The following RIOK3 variants were observed in gnomAD, a reference collection of about 807,000 sequenced individuals.
The protein encoded by RIOK3 is RIO kinase 3, also known as serine/threonine-protein kinase RIO3.
A neutral mutation model predicts 63.5 loss-of-function variants in RIOK3; 40 were observed. That is an observed-to-expected ratio of 0.63 (90% confidence interval 0.49 to 0.82). The LOEUF is 0.82. Ranked by LOEUF, RIOK3 falls within the 40% of genes least tolerant of loss-of-function variation. The probability of loss-of-function intolerance (pLI) is 0.00; values close to 1 mark genes in which losing one functional copy is unlikely to be tolerated. For synonymous variants in RIOK3, 193 were observed against 205.0 expected, an observed-to-expected ratio of 0.94 and a Z score of 0.50; for missense variants, 557 against 637.0, an observed-to-expected ratio of 0.87 and a Z score of 1.35.
chr18:23,481,414 C>A lies in RIOK3; in HGVS notation c.*135C>A. ...GCTTCTGTGCTTTTCCCCCTTGTAACCCATGTGCCAGATGTGTGGAATTTT... is the reference window on the plus strand; with the variant it reads ...GCTTCTGTGCTTTTCCCCCTTGTAAACCATGTGCCAGATGTGTGGAATTTT... On this transcript the variant is annotated 3_prime_UTR_variant, in exon 13 of 13. Transcript: ENST00000339486. 1.7e-6 allele frequency: 1 copy of A among 573,872 alleles called. No individual in the cohort carries two copies. 35.5% of individuals were successfully genotyped at this position (573,872 alleles called of 1,614,324 possible).
chr18:23,471,382 C>T (rs1490952224), intron 7 of RIOK3, among the ~76,000 whole-genome samples: 1 of 152,152 alleles, frequency 6.6e-6, no homozygotes, highest in African/African-American at 2.4e-5. Flanking sequence ...GTAAGAAACC[C>T]AGTCTCCCTG....
intron 8 of RIOK3, among the ~76,000 whole-genome samples, chr18:23,474,743 T>C (rs2057477988): frequency 6.6e-6 from 1 of 152,224 alleles, no homozygotes; most frequent in Non-Finnish European, 1.5e-5. Context: ...CAGTGCGTAA[T>C]TGTAATTGTC....
intron 2 of RIOK3, among the ~76,000 whole-genome samples, chr18:23,463,730 A>G (rs971602389): frequency 3.3e-5 from 5 of 152,110 alleles, no homozygotes; most frequent in African/African-American, 1.2e-4. Flanking sequence ...TTCAGAACAA[A>G]TGAATTCTAG....
chr18:23,478,620 T>TGGTAA, intron 11 of RIOK3, among the ~76,000 whole-genome samples: 1 of 2,638 alleles, frequency 3.8e-4, no homozygotes, highest in African/African-American at 5.9e-4. Context: ...TATATATATA[T>TGGTAA]ATATATATAT....
intron 7 of RIOK3, among the ~76,000 whole-genome samples, chr18:23,468,266 C>CCATT (rs942156097): frequency 6.9e-6 from 1 of 145,042 alleles, no homozygotes; most frequent in Non-Finnish European, 1.5e-5. Flanking sequence ...TATCCTTTGT[C>CCATT]CATTTTCTGT....
In RIOK3 at chr18:23,479,338, A is replaced by G. The variant is rs946099259; in HGVS notation, c.1366A>G (p.Lys456Glu). The change falls in exon 12 of 13, where the codon AAG becomes GAG. Residue 456 changes from lysine to glutamate, a missense_variant. Lys to Glu is a moderately conservative substitution (Grantham distance 56). Transcript: ENST00000339486. ...VSQFFQKGGV[K>E]EALSERELFN... The stretch of plus-strand genomic sequence containing the variant: ...CTAGTTTTTCCAGAAAGGAGGAGTC[A>G]AGGAAGCCCTTAGTGAACGAGAACT... 1.2e-6 allele frequency: 2 copies of G among 1,612,200 alleles called. No individual in the cohort carries two copies. The highest frequency in any genetic ancestry group is 2.7e-5 in the African/African-American group (2 of 74,860).
intron 7 of RIOK3, among the ~76,000 whole-genome samples, chr18:23,472,118 A>G (rs2145693759): frequency 6.6e-6 from 1 of 152,230 alleles, no homozygotes; most frequent in South Asian, 2.1e-4. Context: ...GTGTAATCCC[A>G]GCTACTCAAG....
intron 12 of RIOK3, among the ~76,000 whole-genome samples, chr18:23,479,854 G>A (rs1328801897): frequency 6.6e-6 from 1 of 152,190 alleles, no homozygotes; most frequent in Non-Finnish European, 1.5e-5. Flanking sequence ...TGAGATTACA[G>A]GCATGAGCCA....
intron 6 of RIOK3, 53 bp downstream of exon 6, chr18:23,466,329 G>C: frequency 1.5e-6 from 2 of 1,364,696 alleles, no homozygotes; most frequent in Non-Finnish European, 2.0e-6. Flanking sequence ...ATTCATATTA[G>C]AAAACTTTGG....
chr18:23,478,032 A>G (rs1422180595), intron 11 of RIOK3, among the ~76,000 whole-genome samples: 4 of 151,244 alleles, frequency 2.6e-5, no homozygotes, highest in Admixed American at 6.6e-5. Context: ...AGGTTGCGCC[A>G]TTGCACTCCA....
rs1598808862 is a variant in RIOK3, at chr18:23,467,283, T to C, written c.688-116T>C. On this transcript the variant is annotated intron_variant, in intron 6 of 12. Coordinates refer to ENST00000339486, the MANE Select transcript of RIOK3 (RefSeq NM_003831.5). ...GATCAGAGATGGTGCCATTGTACTC[T>C]AGCCTGGGTGACAAGAGCAAGACTC... 3 of 830,802 alleles carry C rather than the reference T, an allele frequency of 3.6e-6. No homozygotes were observed. The Admixed American group carries it at 7.8e-5, about 22-fold the overall frequency. The allele number at this position is 830,802 out of a possible 1,614,324, so 51.5% of individuals were successfully genotyped here.
chr18:23,478,593 T>A (rs1253349804), intron 11 of RIOK3, among the ~76,000 whole-genome samples: 2 of 101,546 alleles, frequency 2.0e-5, no homozygotes, highest in Non-Finnish European at 4.0e-5. Flanking sequence ...CCCTGTCTCT[T>A]AAAAAAACAA....
intron 7 of RIOK3, among the ~76,000 whole-genome samples, chr18:23,471,306 T>C (rs756009656): frequency 2.1e-4 from 32 of 152,214 alleles, no homozygotes; most frequent in Admixed American, 1.3e-4. Context: ...ATGGGCATTC[T>C]GGACTAGAGA....
At chr18:23,467,632 A>C (rs1483675661) in intron 7 of RIOK3, 106 bp downstream of exon 7, 2 of 1,128,276 alleles carry the variant, frequency 1.8e-6, no homozygotes, top group Non-Finnish European at 2.5e-6. Flanking sequence ...CAAGCAGAGT[A>C]ATTTTTAAAG....
chr18:23,466,360 T>C, intron 6 of RIOK3, 84 bp downstream of exon 6: 3 of 1,118,990 alleles, frequency 2.7e-6, no homozygotes, highest in Admixed American at 3.1e-5. Flanking sequence ...AAAAACTTCA[T>C]GTTTGATATT....
intron 4 of RIOK3, 22 bp downstream of exon 4, chr18:23,464,335 G>A (rs1192047284): frequency 6.5e-7 from 1 of 1,537,436 alleles, no homozygotes. Flanking sequence ...TTTACTTTCT[G>A]GGGGCAGCAG....
chr18:23,469,243 T>C (rs1208803526), intron 7 of RIOK3, among the ~76,000 whole-genome samples: 5 of 150,960 alleles, frequency 3.3e-5, no homozygotes, highest in Non-Finnish European at 5.9e-5. Flanking sequence ...TATACAGGGG[T>C]GTGCACACCA....
intron 2 of RIOK3, 113 bp from the exon 3 acceptor site, chr18:23,463,854 T>A: frequency 1.1e-6 from 1 of 878,174 alleles, no homozygotes; most frequent in South Asian, 1.7e-5. Context: ...TTTGATAGAG[T>A]TCTTTCCCAT....
At chr18:23,476,981 T>G in intron 9 of RIOK3, 25 bp from the exon 10 acceptor site, 2 of 1,593,314 alleles carry the variant, frequency 1.3e-6, no homozygotes, top group Non-Finnish European at 1.7e-6. Context: ...ATTCATTTCC[T>G]AATGTGTGCC....
Sources: gnomAD v4.1 joint callset for allele counts (sites outside exome capture counted in the v4.1 genomes callset) on GRCh38, gnomAD v4.1.1 for gene constraint, MANE v1.5 for transcripts, NCBI Gene and HGNC (gene_info 2026-07-23, HGNC 2026-07-21) for gene names.